PRKAR1B: variants seen among roughly 807,000 people sequenced by gnomAD.
PRKAR1B encodes protein kinase cAMP-dependent type I regulatory subunit beta, also known as cAMP-dependent protein kinase type I-beta regulatory subunit.
A neutral mutation model predicts 46.5 loss-of-function variants in PRKAR1B; 22 were observed. That is an observed-to-expected ratio of 0.47 (90% CI 0.34 to 0.68). The LOEUF is 0.68. PRKAR1B is among the 30% of genes least tolerant of loss of function. The pLI, the probability that PRKAR1B is intolerant of heterozygous loss-of-function variation, is 0.01. For synonymous variants in PRKAR1B, 259 were observed against 217.7 expected (o/e 1.19, Z -1.67); for missense variants, 445 against 535.6 (o/e 0.83, Z 1.67).
intron 4 of PRKAR1B, among the ~76,000 whole-genome samples, chr7:652,515 C>A (rs186564595): frequency 2.6e-5 from 4 of 152,142 alleles, no homozygotes; most frequent in African/African-American, 9.6e-5. Context: ...GTGCTAGGAA[C>A]CTGGGGAAAC....
chr7:662,428 C>A (rs1348717412), intron 4 of PRKAR1B, among the ~76,000 whole-genome samples: 5 of 122,170 alleles, frequency 4.1e-5, no homozygotes, highest in African/African-American at 6.4e-5. Flanking sequence ...GGTCCAAATA[C>A]CTACTCTCCC....
chr7:627,474 G>A (rs958810245), intron 4 of PRKAR1B, among the ~76,000 whole-genome samples: 1 of 152,308 alleles, frequency 6.6e-6, no homozygotes, highest in Non-Finnish European at 1.5e-5. Flanking sequence ...ACGCCTGAGG[G>A]TTTGCAAAGG....
intron 4 of PRKAR1B, among the ~76,000 whole-genome samples, chr7:632,347 G>C (rs538600416): frequency 2.0e-5 from 3 of 152,290 alleles, no homozygotes; most frequent in African/African-American, 4.8e-5. Flanking sequence ...CGGCTTCGCA[G>C]AGACCCGGAC....
chr7:656,345 G>C (rs1785185565), intron 4 of PRKAR1B, among the ~76,000 whole-genome samples: 1 of 152,130 alleles, frequency 6.6e-6, no homozygotes, highest in East Asian at 1.9e-4. Flanking sequence ...TGATGCATGG[G>C]TGAATGTATG....
intron 4 of PRKAR1B, among the ~76,000 whole-genome samples, chr7:654,431 C>T (rs1785081818): frequency 6.6e-6 from 1 of 151,600 alleles, no homozygotes; most frequent in Non-Finnish European, 1.5e-5. Context: ...ATCTTCACTA[C>T]TATCACCATC....
intron 2 of PRKAR1B, among the ~76,000 whole-genome samples, chr7:709,004 G>GCT (rs1780473786): frequency 2.0e-5 from 3 of 148,072 alleles, no homozygotes; most frequent in African/African-American, 7.5e-5. Flanking sequence ...TGTTGGTCAA[G>GCT]GTGGTCTCAA....
intron 10 of PRKAR1B, 107 bp downstream of exon 10, chr7:551,282 A>G (rs1019996866): frequency 4.7e-6 from 5 of 1,065,260 alleles, no homozygotes; most frequent in South Asian, 1.5e-5. Flanking sequence ...GCCCCACTAC[A>G]AGGCCCCAGG....
chr7:583,575 C>CA (rs1258677885), intron 8 of PRKAR1B, among the ~76,000 whole-genome samples: 2 of 62,454 alleles, frequency 3.2e-5, no homozygotes, highest in Non-Finnish European at 6.9e-5. Context: ...CCCATGCACA[C>CA]ACACTTGCAC....
chr7:691,628 T>C, intron 2 of PRKAR1B: 1 of 1,303,006 alleles, frequency 7.7e-7, no homozygotes, highest in Non-Finnish European at 1.0e-6. Context: ...GTGTGCTGAA[T>C]GGCATGTGGC....
chr7:572,737 G>A (rs1388874020), intron 9 of PRKAR1B, among the ~76,000 whole-genome samples: 1 of 152,234 alleles, frequency 6.6e-6, no homozygotes, highest in African/African-American at 2.4e-5. Context: ...GGAGGCCCCA[G>A]GTGGAGGGTA....
At chr7:719,785 C>T (rs954281521) in intron 1 of PRKAR1B, among the ~76,000 whole-genome samples, 2 of 152,170 alleles carry the variant, frequency 1.3e-5, no homozygotes, top group East Asian at 1.9e-4. Context: ...TTAATAATCA[C>T]GCCACCCCAT....
intron 1 of PRKAR1B, among the ~76,000 whole-genome samples, chr7:718,830 T>G (rs947573786): frequency 6.7e-6 from 1 of 150,228 alleles, no homozygotes; most frequent in Non-Finnish European, 1.5e-5. Context: ...TGTTTCATTT[T>G]GGTAACATAC....
At chr7:665,422 G>A (rs1785852938) in intron 4 of PRKAR1B, among the ~76,000 whole-genome samples, 1 of 152,146 alleles carries the variant, frequency 6.6e-6, no homozygotes, top group African/African-American at 2.4e-5. Context: ...AAGACAACAT[G>A]CCCGAGGCCC....
intron 9 of PRKAR1B, among the ~76,000 whole-genome samples, chr7:564,609 C>T (rs1240313183): frequency 6.6e-6 from 1 of 152,236 alleles, no homozygotes; most frequent in African/African-American, 2.4e-5. Context: ...CACAAATGTT[C>T]CCTCAGCCTG....
At chr7:565,604 C>T (rs974442344) in intron 9 of PRKAR1B, 3 of 152,182 alleles carry the variant, frequency 2.0e-5, no homozygotes, top group South Asian at 2.1e-4. Context: ...ATAAACATCC[C>T]GTGGCTGCAA....
chr7:650,668 C>A (rs1784858795), intron 4 of PRKAR1B, among the ~76,000 whole-genome samples: 2 of 152,258 alleles, frequency 1.3e-5, no homozygotes, highest in Admixed American at 6.5e-5. Context: ...GGGACAGCCC[C>A]TTTTCTGCCT....
Position 604,168 on chromosome 7 carries a change from C to G in PRKAR1B, c.549+2025G>C, listed in dbSNP as rs185397160. ...GATACCAGGCACAACGGGGCCACCTCCTGGGACGGGCCCAGGCCCCAAGAC... is the reference window on the plus strand; with the variant it reads ...GATACCAGGCACAACGGGGCCACCTGCTGGGACGGGCCCAGGCCCCAAGAC... On this transcript the variant is annotated intron_variant, in intron 6 of 10. Coordinates refer to ENST00000537384, the MANE Select transcript of PRKAR1B (RefSeq NM_001164760.2). Among the ~76,000 whole-genome samples the G allele has an allele frequency of 1.4e-4, 22 of 152,348 alleles. No homozygotes were observed. In the East Asian group the frequency reaches 3.3e-3, roughly 23 times the overall value.
At chr7:610,128 T>C (rs1265574901) in intron 4 of PRKAR1B, among the ~76,000 whole-genome samples, 1 of 152,166 alleles carries the variant, frequency 6.6e-6, no homozygotes, top group Non-Finnish European at 1.5e-5. Flanking sequence ...GTTCCTGCCA[T>C]CACACGCTGG....
At chr7:566,503 A>C (rs1043011289) in intron 9 of PRKAR1B, among the ~76,000 whole-genome samples, 3 of 132,436 alleles carry the variant, frequency 2.3e-5, no homozygotes, top group East Asian at 2.2e-4. Flanking sequence ...CATCACCTTC[A>C]TCACCATCAT....
Sources: allele counts gnomAD v4.1 joint callset (sites outside exome capture counted in the v4.1 genomes callset), GRCh38; gene constraint gnomAD v4.1.1; transcripts MANE v1.5; gene names NCBI Gene and HGNC (gene_info 2026-07-23, HGNC 2026-07-21).